ELOVL2: variants seen among roughly 807,000 people sequenced by gnomAD.
ELOVL2 encodes ELOVL fatty acid elongase 2, also known as very long chain fatty acid elongase 2.
A neutral mutation model predicts 37.7 loss-of-function variants in ELOVL2; 38 were observed. The observed-to-expected ratio is 1.01, with a 90% confidence interval of 0.78 to 1.32. The LOEUF is 1.32. ELOVL2 is among the 40% of genes most tolerant of loss of function. The probability of loss-of-function intolerance (pLI) is 0.00; values close to 1 mark genes in which losing one functional copy is unlikely to be tolerated. For synonymous variants in ELOVL2, 115 were observed against 122.3 expected, an observed-to-expected ratio of 0.94 and a Z score of 0.40; for missense variants, 352 against 363.6, an observed-to-expected ratio of 0.97 and a Z score of 0.26.
Position 10,994,989 on chromosome 6 carries a change from A to C in ELOVL2, c.505+18T>G. 2 of 1,568,766 alleles carry C rather than the reference A, an allele frequency of 1.3e-6. No individual in the cohort carries two copies. Among genetic ancestry groups the C allele is most frequent in the Non-Finnish European group, 1.7e-6 (2 of 1,156,942 alleles). On this transcript the variant is annotated intron_variant, in intron 5 of 7. Transcript: ENST00000354666. ...AAGAGCCATTCCTCAAAACGGAAAAATTAACAAAATAACTTACTTTGTCCA... is the reference window on the plus strand; with the variant it reads ...AAGAGCCATTCCTCAAAACGGAAAACTTAACAAAATAACTTACTTTGTCCA...
chr6:11,023,071 T>A (rs1278782832), intron 1 of ELOVL2, among the ~76,000 whole-genome samples: 1 of 152,238 alleles, frequency 6.6e-6, no homozygotes, highest in Non-Finnish European at 1.5e-5. Context: ...AAGAAAACAA[T>A]GCTGCTAAGT....
At chr6:11,035,495 T>C (rs2113564721) in intron 1 of ELOVL2, among the ~76,000 whole-genome samples, 1 of 152,316 alleles carries the variant, frequency 6.6e-6, no homozygotes, top group East Asian at 1.9e-4. Flanking sequence ...TCTCACTGAA[T>C]TGACTGCTGA....
rs1405388259 is a variant in ELOVL2, at chr6:10,995,103, T to G, written c.409A>C (p.Lys137Gln). ...AGAAAAGTAATCTGACTCGTTTTTT[T>G]CCGCAAAACGAAGAAAATTGTGTCC... is the stretch of plus-strand genomic sequence containing the variant. ...FLDTIFFVLR[K>Q]KTSQITFLHV... The change falls in exon 5 of 8, where the codon AAA (lysine) becomes CAA (glutamine). Residue 137 changes from lysine (K) to glutamine (Q), a missense_variant. Lys to Gln is a moderately conservative substitution (Grantham distance 53). Transcript: ENST00000354666. 1 of 1,613,260 alleles carries G rather than the reference T, an allele frequency of 6.2e-7. No homozygotes were observed. The highest frequency in any genetic ancestry group is 1.3e-5 in the African/African-American group (1 of 74,930).
At chr6:11,024,472 C>T (rs775138274) in intron 1 of ELOVL2, among the ~76,000 whole-genome samples, 4 of 152,144 alleles carry the variant, frequency 2.6e-5, no homozygotes, top group Admixed American at 1.3e-4. Context: ...GGTCCCTAGA[C>T]ACCACTATTT....
intron 4 of ELOVL2, among the ~76,000 whole-genome samples, chr6:10,996,959 G>A (rs1011787469): frequency 6.6e-6 from 1 of 152,148 alleles, no homozygotes; most frequent in South Asian, 2.1e-4. Flanking sequence ...GCACTGAGCC[G>A]AGATGGCACC....
chr6:11,011,365 CA>C (rs199986191), intron 1 of ELOVL2, among the ~76,000 whole-genome samples: 129 of 108,978 alleles, frequency 1.2e-3, no homozygotes, highest in Admixed American at 1.6e-3. Context: ...GACTCTGTCT[CA>C]AAAAAAAAAA....
At position 10,981,679 on chromosome 6, in the gene ELOVL2, G is replaced by A. The variant is rs1781936530; in HGVS notation, c.*2102C>T. ...CTTGCCATACAGATATGAAGCCCAG[G>A]AAAACATCCAGAGTGGCAGGTATGC... On this transcript the variant is annotated 3_prime_UTR_variant, in exon 8 of 8. Transcript: ENST00000354666. The A allele has an allele frequency of 6.6e-6, 1 of 152,236 alleles. No individual in the cohort carries two copies. The highest frequency in any genetic ancestry group is 2.1e-4 in the South Asian group (1 of 4,826). The allele number at this position is 152,236 out of a possible 1,614,324, so 9.4% of individuals were successfully genotyped here.
At chr6:11,027,481 C>T (rs1468079741) in intron 1 of ELOVL2, among the ~76,000 whole-genome samples, 1 of 152,204 alleles carries the variant, frequency 6.6e-6, no homozygotes, top group Non-Finnish European at 1.5e-5. Context: ...CTTCTTACTA[C>T]TCTGTAAGGT....
intron 1 of ELOVL2, among the ~76,000 whole-genome samples, chr6:11,027,453 C>T (rs1349341677): frequency 6.6e-6 from 1 of 152,130 alleles, no homozygotes; most frequent in Non-Finnish European, 1.5e-5. Context: ...TAGAAATTTA[C>T]CCACCTTACT....
chr6:10,988,775 A>T (rs1441250608), intron 7 of ELOVL2, among the ~76,000 whole-genome samples: 1 of 152,204 alleles, frequency 6.6e-6, no homozygotes, highest in East Asian at 1.9e-4. Context: ...CATCCACCTG[A>T]GGCCTCTTCT....
chr6:11,020,547 G>T (rs886173109), intron 1 of ELOVL2, among the ~76,000 whole-genome samples: 2 of 152,136 alleles, frequency 1.3e-5, no homozygotes, highest in African/African-American at 4.8e-5. Flanking sequence ...GCTCAGGGAA[G>T]GGGTACAAGA....
rs777986323 is a variant in ELOVL2, at chr6:11,005,503, T to C, written c.124A>G (p.Thr42Ala). The change falls in exon 3 of 8, where the codon ACT (threonine) becomes GCT (alanine). Residue 42 changes from threonine (T) to alanine (A), a missense_variant. Transcript: ENST00000354666. Reference protein sequence around the residue: ...LDSYLPTFFLTVMYLLSIWLG... With the variant: ...LDSYLPTFFLAVMYLLSIWLG... Reference sequence around the variant, plus strand: ...CATATTGAGAGCAGATACATGACAGTAAGAAAAAAGGTAGGAAGGTAAGAG... The same window carrying C: ...CATATTGAGAGCAGATACATGACAGCAAGAAAAAAGGTAGGAAGGTAAGAG... 2.5e-6 allele frequency: 4 copies of C among 1,613,478 alleles called. No individual in the cohort carries two copies. The South Asian group carries it at 4.4e-5, about 18-fold the overall frequency.
intron 2 of ELOVL2, among the ~76,000 whole-genome samples, chr6:11,006,296 G>A (rs983049931): frequency 2.0e-5 from 3 of 152,190 alleles, no homozygotes; most frequent in South Asian, 2.1e-4. Flanking sequence ...GCAAGCAGCT[G>A]AATACATCAG....
chr6:11,013,216 CTCTT>C (rs566113547), intron 1 of ELOVL2, among the ~76,000 whole-genome samples: 1 of 152,174 alleles, frequency 6.6e-6, no homozygotes, highest in East Asian at 1.9e-4. Context: ...TAAAAATTCT[CTCTT>C]TATTTCTGGG....
chr6:10,987,615 T>C (rs1437316890), intron 7 of ELOVL2, among the ~76,000 whole-genome samples: 1 of 152,188 alleles, frequency 6.6e-6, no homozygotes, highest in Non-Finnish European at 1.5e-5. Flanking sequence ...GTTTATAGTA[T>C]CATTTTTAAA....
chr6:10,988,487 C>A (rs1388560629), intron 7 of ELOVL2, among the ~76,000 whole-genome samples: 2 of 152,122 alleles, frequency 1.3e-5, no homozygotes, highest in African/African-American at 4.8e-5. Context: ...TCACTTGAAC[C>A]CAGGAAGCAG....
chr6:11,030,088 T>C (rs1782899184), intron 1 of ELOVL2, among the ~76,000 whole-genome samples: 1 of 152,240 alleles, frequency 6.6e-6, no homozygotes, highest in Admixed American at 6.5e-5. Flanking sequence ...GGTATTTGGC[T>C]ATTCTCTCTC....
rs1292121818 is a variant in ELOVL2 at position 10,981,285 on chromosome 6, A to G, written c.*2496T>C. The G allele has an allele frequency of 6.6e-6, 1 of 152,610 alleles. No homozygotes were observed. The highest frequency in any genetic ancestry group is 1.5e-5 in the Non-Finnish European group (1 of 68,034). 9.5% of individuals were successfully genotyped at this position (152,610 alleles called of 1,614,324 possible). On this transcript the variant is annotated 3_prime_UTR_variant, in exon 8 of 8. Transcript: ENST00000354666. ...GAGAAAACATTCTCCATTTTTTTTA[A>G]TAGATTATAGAAATATTAATTTTTC...
intron 1 of ELOVL2, among the ~76,000 whole-genome samples, chr6:11,021,345 C>T (rs574423393): frequency 1.2e-3 from 188 of 152,298 alleles, no homozygotes; most frequent in Admixed American, 2.0e-3. Context: ...TTTGAGCTCT[C>T]AATAAGCATT....
Sources: allele counts gnomAD v4.1 joint callset (sites outside exome capture counted in the v4.1 genomes callset), GRCh38; gene constraint gnomAD v4.1.1; transcripts MANE v1.5; gene names NCBI Gene and HGNC (gene_info 2026-07-23, HGNC 2026-07-21).